The following PCSK6 variants were observed in gnomAD, a reference collection of about 807,000 sequenced individuals.
PCSK6 encodes the protein proprotein convertase subtilisin/kexin type 6.
PCSK6 carries 85 observed loss-of-function variants against 123.3 expected under a neutral mutation model. That is an observed-to-expected ratio of 0.69 (90% CI 0.58 to 0.83). The LOEUF (loss-of-function observed/expected upper bound fraction) is 0.83, where lower values mean the gene tolerates loss of function less well. Ranked by LOEUF, PCSK6 falls within the 40% of genes least tolerant of loss-of-function variation. The probability of loss-of-function intolerance (pLI) is 0.00; values close to 1 mark genes in which losing one functional copy is unlikely to be tolerated. For missense variants in PCSK6, 1,191 were observed against 1,282.3 expected, an observed-to-expected ratio of 0.93 and a Z score of 1.09; for synonymous variants, 508 against 516.0, an observed-to-expected ratio of 0.98 and a Z score of 0.21.
chr15:101,424,237 CAA>C (rs55970616), intron 6 of PCSK6, among the ~76,000 whole-genome samples: 63 of 132,146 alleles, frequency 4.8e-4, no homozygotes, highest in East Asian at 6.3e-4. Context: ...CCCATCTCTT[CAA>C]AAAAAAAAAA....
intron 15 of PCSK6, 71 bp from the exon 16 acceptor site, chr15:101,326,550 T>C (rs2040258302): frequency 5.0e-6 from 7 of 1,386,838 alleles, no homozygotes; most frequent in Non-Finnish European, 5.0e-6. Context: ...CGCGGATCCC[T>C]GTGTCAGGAT....
At chr15:101,444,495 C>T (rs2056837231) in intron 1 of PCSK6, among the ~76,000 whole-genome samples, 1 of 152,266 alleles carries the variant, frequency 6.6e-6, no homozygotes, top group Non-Finnish European at 1.5e-5. Flanking sequence ...TCTTCTCAGG[C>T]TAAACCATCC....
At chr15:101,406,920 G>A (rs1328498570) in intron 6 of PCSK6, among the ~76,000 whole-genome samples, 1 of 152,206 alleles carries the variant, frequency 6.6e-6, no homozygotes, top group East Asian at 1.9e-4. Context: ...TGCAGCCCTG[G>A]ATCCAGGAGA....
rs548148109 is a variant in PCSK6, at chr15:101,305,210, C to G, written c.*48G>C. The G allele has an allele frequency of 1.4e-6, 2 of 1,461,754 alleles. No individual in the cohort carries two copies. The highest frequency in any genetic ancestry group is 2.8e-5 in the African/African-American group (2 of 71,990). The allele number at this position is 1,461,754 out of a possible 1,614,324, so 90.5% of individuals were successfully genotyped here. ...GGCCGACAGTCTGGAGGAAGGTGGACGGATGGATGGATGGGAGTGCCTGCC... is the reference window on the plus strand; with the variant it reads ...GGCCGACAGTCTGGAGGAAGGTGGAGGGATGGATGGATGGGAGTGCCTGCC... On this transcript the variant is annotated 3_prime_UTR_variant, in exon 22 of 22. Transcript: ENST00000611716. This position sits in a 1 kb window ranked among gnomAD's most constrained non-coding sequence, Gnocchi z 4.8.
chr15:101,320,410 T>C (rs1276090857), intron 18 of PCSK6, among the ~76,000 whole-genome samples: 1 of 152,206 alleles, frequency 6.6e-6, no homozygotes, highest in Non-Finnish European at 1.5e-5. Context: ...ATTACGTATA[T>C]CTTACGGTTC....
intron 13 of PCSK6, among the ~76,000 whole-genome samples, chr15:101,334,766 G>A (rs985920068): frequency 6.6e-6 from 1 of 152,168 alleles, no homozygotes; most frequent in Non-Finnish European, 1.5e-5. Context: ...TTCAGATATA[G>A]TTTTGGTGGG....
intron 18 of PCSK6, among the ~76,000 whole-genome samples, chr15:101,320,437 G>T (rs972850418): frequency 5.9e-4 from 90 of 152,280 alleles, no homozygotes; most frequent in African/African-American, 2.1e-3. Context: ...GAACTGCTTG[G>T]TGTGTGGGGA....
At chr15:101,382,246 C>T (rs768910982) in intron 10 of PCSK6, 37 bp from the exon 11 acceptor site, 31 of 1,470,580 alleles carry the variant, frequency 2.1e-5, no homozygotes, top group Non-Finnish European at 2.9e-5. Context: ...GGCTCTCCTG[C>T]CTCTCCCAGG....
At position 101,307,246 on chromosome 15, in the gene PCSK6, T is replaced by C; in HGVS notation, c.2779A>G (p.Thr927Ala). 6.2e-7 allele frequency: 1 copy of C among 1,613,652 alleles called. No individual in the cohort carries two copies. The highest frequency in any genetic ancestry group is 1.7e-5 in the Admixed American group (1 of 59,998). Residue 927 changes from threonine (T) to alanine (A), a missense_variant, in exon 21 of 22, where the codon ACC becomes GCC. This residue lies in a region of PCSK6 where 630 missense variants were observed against 631.4 expected (regional missense o/e 1.00). Transcript: ENST00000611716. The stretch of plus-strand genomic sequence containing the variant: ...CACGTGTGGTTGGTGATGCAGGAGG[T>C]CCCCAGCTGTGTGAAGCCCGTCTTA... Reference protein sequence around the residue: ...RCKTGFTQLGTSCITNHTCSN... With the variant: ...RCKTGFTQLGASCITNHTCSN...
chr15:101,410,114 G>T, intron 6 of PCSK6, among the ~76,000 whole-genome samples: 1 of 152,158 alleles, frequency 6.6e-6, no homozygotes, highest in Non-Finnish European at 1.5e-5. Context: ...TAAATTGTTT[G>T]TAGACACAGG....
intron 7 of PCSK6, among the ~76,000 whole-genome samples, chr15:101,396,507 A>T (rs1195201480): frequency 6.6e-6 from 1 of 152,150 alleles, no homozygotes; most frequent in Admixed American, 6.5e-5. Flanking sequence ...CCTCCAGCTT[A>T]CCCACCCTCT....
chr15:101,374,083 TG>T (rs2041663955), intron 11 of PCSK6, among the ~76,000 whole-genome samples: 1 of 152,150 alleles, frequency 6.6e-6, no homozygotes, highest in Non-Finnish European at 1.5e-5. Flanking sequence ...CGGCCAGACT[TG>T]GAAAAGATCT....
chr15:101,313,223 C>T, intron 20 of PCSK6, 153 bp downstream of exon 20: 1 of 1,545,854 alleles, frequency 6.5e-7, no homozygotes, highest in Non-Finnish European at 8.7e-7. Flanking sequence ...GGGACGAAGG[C>T]CCCTCAGCAG....
chr15:101,416,682 G>A (rs548424541), intron 6 of PCSK6, among the ~76,000 whole-genome samples: 2 of 152,380 alleles, frequency 1.3e-5, no homozygotes, highest in South Asian at 4.1e-4. Flanking sequence ...TGCAGCCTAA[G>A]GACTTGGTGC....
chr15:101,362,575 G>A (rs1038030270), intron 13 of PCSK6, among the ~76,000 whole-genome samples: 14 of 152,160 alleles, frequency 9.2e-5, no homozygotes, highest in Non-Finnish European at 1.9e-4. Flanking sequence ...GCCCCCAGGT[G>A]TGGCATCACT....
At chr15:101,454,969 AATG>A (rs2057138775) in intron 1 of PCSK6, among the ~76,000 whole-genome samples, 2 of 151,858 alleles carry the variant, frequency 1.3e-5, no homozygotes, top group South Asian at 4.1e-4. Context: ...TGAATGAATG[AATG>A]AATGAATGAA....
At chr15:101,330,269 A>G (rs145090337) in intron 15 of PCSK6, among the ~76,000 whole-genome samples, 2 of 152,020 alleles carry the variant, frequency 1.3e-5, no homozygotes, top group Non-Finnish European at 2.9e-5. Context: ...GACCCTGGCC[A>G]TTTGCAAGTA....
rs935700364 is a variant in PCSK6 at position 101,304,451 on chromosome 15, CG to C, written c.*806del. Reference sequence around the variant, plus strand: ...TTGTTCAGAGGAATTGCTTGGCCATCGGGGTACCTTTTGGCTGGCCACAGAA... The same window carrying C: ...TTGTTCAGAGGAATTGCTTGGCCATCGGGTACCTTTTGGCTGGCCACAGAA... On this transcript the variant is annotated 3_prime_UTR_variant, in exon 22 of 22. Transcript: ENST00000611716. 3 of 152,100 alleles carry C rather than the reference CG, an allele frequency of 2.0e-5. No homozygotes were observed. Among genetic ancestry groups the C allele is most frequent in the Non-Finnish European group, 2.9e-5 (2 of 68,010 alleles). The allele number at this position is 152,100 out of a possible 1,614,324, so 9.4% of individuals were successfully genotyped here.
At chr15:101,312,898 G>A (rs961287428) in intron 20 of PCSK6, 34 of 330,492 alleles carry the variant, frequency 1.0e-4, no homozygotes, top group East Asian at 1.4e-4. Context: ...CCAGCTACTC[G>A]GGAGGCTGAG....
Sources: allele counts gnomAD v4.1 joint callset (sites outside exome capture counted in the v4.1 genomes callset), GRCh38; gene constraint gnomAD v4.1.1; regional missense constraint gnomAD v4.1.1; non-coding constraint Gnocchi (gnomAD v3.1); transcripts MANE v1.5; gene names NCBI Gene and HGNC (gene_info 2026-07-23, HGNC 2026-07-21).